Variants in PTPRB observed in about 807,000 individuals in gnomAD.
PTPRB encodes the protein receptor-type tyrosine-protein phosphatase beta.
Under a neutral mutation model 238.1 loss-of-function variants are expected in PTPRB, and 97 were observed. The ratio of observed to expected loss-of-function variants is 0.41; its 90% confidence interval spans 0.35 to 0.48. The LOEUF is 0.48. PTPRB is among the 20% of genes least tolerant of loss of function. The pLI, the probability that PTPRB is intolerant of heterozygous loss-of-function variation, is 0.30. For missense variants in PTPRB, 2,292 were observed against 2,681.9 expected, an observed-to-expected ratio of 0.85 and a Z score of 3.21; for synonymous variants, 970 against 995.4, an observed-to-expected ratio of 0.97 and a Z score of 0.48.
At position 70,635,875 on chromosome 12, in the gene PTPRB, T is replaced by A. The variant is rs111887306; in HGVS notation, c.247A>T (p.Ile83Phe). The A allele has an allele frequency of 7.8e-5, 126 of 1,613,636 alleles. No individual in the cohort carries two copies. The highest frequency in any genetic ancestry group is 1.8e-4 in the Admixed American group (11 of 59,946). The change falls in exon 2 of 34, where the codon ATC becomes TTC. Residue 83 changes from isoleucine to phenylalanine, a missense_variant. Physicochemically the swap from Ile to Phe is conservative, Grantham distance 21. Around this residue, in one of 4 missense-constraint regions of PTPRB, gnomAD observed 1,205 missense variants for 1,287.8 expected, o/e 0.94. Coordinates refer to ENST00000334414, the MANE Select transcript of PTPRB (RefSeq NM_001109754.4). ...NSSRGPSRSA[I>F]LDRCSQAPRW... ...GGTGCCTGGGAACAGCGGTCCAAGA[T>A]GGCTGAGCGGGAGGGGCCGCGGGAA... is the stretch of plus-strand genomic sequence containing the variant.
intron 15 of PTPRB, among the ~76,000 whole-genome samples, chr12:70,564,839 TAATAAA>T (rs1480712930): frequency 4.6e-4 from 10 of 21,596 alleles, no homozygotes; most frequent in African/African-American, 1.3e-3. Flanking sequence ...TCTCCAAAAA[TAATAAA>T]TAATAATAAT....
intron 22 of PTPRB, 107 bp from the exon 23 acceptor site, chr12:70,541,064 T>C (rs1414463146): frequency 1.1e-6 from 1 of 917,694 alleles, no homozygotes; most frequent in Non-Finnish European, 1.7e-6. Flanking sequence ...TTATTACAAA[T>C]AGAATTCAAG....
At chr12:70,538,004 C>T in intron 28 of PTPRB, 151 bp downstream of exon 28, 1 of 558,362 alleles carries the variant, frequency 1.8e-6, no homozygotes, top group East Asian at 3.0e-5. Flanking sequence ...AATTGGATAC[C>T]CCATTTTTTT....
At chr12:70,619,438 A>G (rs1195926302) in intron 3 of PTPRB, among the ~76,000 whole-genome samples, 2 of 152,100 alleles carry the variant, frequency 1.3e-5, no homozygotes. Flanking sequence ...CAAGAAATGG[A>G]ATCTATTTCT....
chr12:70,525,615 A>G (rs543450363), intron 32 of PTPRB, among the ~76,000 whole-genome samples: 69 of 152,386 alleles, frequency 4.5e-4, no homozygotes, highest in Middle Eastern at 3.4e-3. Flanking sequence ...TTTGGTGACC[A>G]TAAAGACCTC....
intron 15 of PTPRB, among the ~76,000 whole-genome samples, chr12:70,564,517 TC>T (rs1279702268): frequency 9.8e-5 from 10 of 101,850 alleles, no homozygotes; most frequent in African/African-American, 3.4e-4. Flanking sequence ...AGACTCCATC[TC>T]AAAAAAAAAA....
intron 4 of PTPRB, among the ~76,000 whole-genome samples, chr12:70,603,159 C>T (rs1196917344): frequency 6.6e-6 from 1 of 152,000 alleles, no homozygotes; most frequent in Non-Finnish European, 1.5e-5. Flanking sequence ...TATTTCTAGG[C>T]ACATAAAGGA....
At chr12:70,541,796 C>A (rs1368029848) in intron 22 of PTPRB, 1 of 152,166 alleles carries the variant, frequency 6.6e-6, no homozygotes, top group Non-Finnish European at 1.5e-5. Flanking sequence ...ACCAAGATTT[C>A]ATTCCTTTTT....
In PTPRB at chr12:70,619,426, A is replaced by G. The variant is rs570404095; in HGVS notation, c.708+2964T>C. Among the ~76,000 whole-genome samples the G allele has an allele frequency of 5.9e-5, 9 of 152,250 alleles. No homozygotes were observed. In the South Asian group the frequency reaches 1.7e-3, roughly 28 times the overall value. ...ACAATGTGACTTTGCAGCTCTTCCCATCAAGAAATGGAATCTATTTCTACA... is the reference window on the plus strand; with the variant it reads ...ACAATGTGACTTTGCAGCTCTTCCCGTCAAGAAATGGAATCTATTTCTACA... On this transcript the variant is annotated intron_variant, in intron 3 of 33. Coordinates refer to ENST00000334414, the MANE Select transcript of PTPRB (RefSeq NM_001109754.4).
intron 2 of PTPRB, 33 bp from the exon 3 acceptor site, chr12:70,622,679 T>G (rs1244396070): frequency 6.6e-7 from 1 of 1,510,596 alleles, no homozygotes; most frequent in Non-Finnish European, 8.9e-7. Flanking sequence ...GCAAAGATTA[T>G]TCTCATGTTT....
intron 22 of PTPRB, chr12:70,541,371 C>T (rs2567142): frequency 0.76 from 117,810 of 155,584 alleles, 44,713 homozygotes; most frequent in East Asian, 0.84. Flanking sequence ...TGGAGCTATT[C>T]TAAGAAGTCT....
rs1369763725 is a variant in PTPRB, at chr12:70,544,620, T to G, written c.5431A>C (p.Lys1811Gln). The change falls in exon 22 of 34, where the codon AAG (lysine) becomes CAG (glutamine). Residue 1811 changes from lysine (K) to glutamine (Q), a missense_variant. Lys to Gln is a moderately conservative substitution (Grantham distance 53). This residue lies in a region of PTPRB where 397 missense variants were observed against 502.0 expected (regional missense o/e 0.79). Transcript: ENST00000334414. Reference protein sequence around the residue: ...AFTQLFDEDLKEFTKPLYSDT... With the variant: ...AFTQLFDEDLQEFTKPLYSDT... Reference sequence around the variant, plus strand: ...GAATAGAGTGGCTTTGTGAATTCCTTCAGGTCCTCATCAAAGAGCTGTGTA... The same window carrying G: ...GAATAGAGTGGCTTTGTGAATTCCTGCAGGTCCTCATCAAAGAGCTGTGTA... 6.2e-7 allele frequency: 1 copy of G among 1,606,632 alleles called. No individual in the cohort carries two copies. The highest frequency in any genetic ancestry group is 2.2e-5 in the East Asian group (1 of 44,618).
At position 70,536,065 on chromosome 12, in the gene PTPRB, T is replaced by G; in HGVS notation, c.6041A>C (p.His2014Pro). Residue 2014 changes from histidine (H) to proline (P), a missense_variant, in exon 29 of 34, where the codon CAC becomes CCC. Coordinates refer to ENST00000334414, the MANE Select transcript of PTPRB (RefSeq NM_001109754.4). ...FWKMVWEQNVHNIVMVTQCVE... is the reference protein window; with the variant it reads ...FWKMVWEQNVPNIVMVTQCVE... ...ACACTGGGTCACCATGACGATGTTGTGAACGTTTTGTTCCCACACCATTTT... is the reference window on the plus strand; with the variant it reads ...ACACTGGGTCACCATGACGATGTTGGGAACGTTTTGTTCCCACACCATTTT... 1 of 1,613,888 alleles carries G rather than the reference T, an allele frequency of 6.2e-7. No homozygotes were observed. The highest frequency in any genetic ancestry group is 1.3e-5 in the African/African-American group (1 of 75,060).
chr12:70,580,321 C>A (rs903521410), intron 10 of PTPRB, among the ~76,000 whole-genome samples: 1 of 152,150 alleles, frequency 6.6e-6, no homozygotes, highest in Non-Finnish European at 1.5e-5. Context: ...CACCTCTAAC[C>A]ATATTAATTG....
At chr12:70,582,149 C>G (rs906726641) in intron 9 of PTPRB, among the ~76,000 whole-genome samples, 3 of 152,038 alleles carry the variant, frequency 2.0e-5, no homozygotes, top group Non-Finnish European at 2.9e-5. Flanking sequence ...GAAGTTGGCA[C>G]TTGGTCAACA....
chr12:70,542,243 T>TA (rs1237598581), intron 22 of PTPRB: 1 of 152,184 alleles, frequency 6.6e-6, no homozygotes, highest in Non-Finnish European at 1.5e-5. Context: ...ACTGTATATC[T>TA]TCTTTGGAGA....
At chr12:70,528,759 G>A (rs74600537) in intron 32 of PTPRB, among the ~76,000 whole-genome samples, 5,517 of 152,292 alleles carry the variant, frequency 0.036, 169 homozygotes, top group East Asian at 0.15. Context: ...CAGAGTTTGA[G>A]TCCAGTCTGG....
intron 16 of PTPRB, 68 bp from the exon 17 acceptor site, chr12:70,561,002 A>G: frequency 1.4e-6 from 2 of 1,476,496 alleles, no homozygotes; most frequent in Non-Finnish European, 1.9e-6. Context: ...CACAGGTGAG[A>G]GTATATGCTA....
chr12:70,526,654 C>T (rs1156339412), intron 32 of PTPRB, among the ~76,000 whole-genome samples: 2 of 152,212 alleles, frequency 1.3e-5, no homozygotes, highest in African/African-American at 4.8e-5. Context: ...AAGGTACAAT[C>T]TGAGAATGGT....
Sources: gnomAD v4.1 joint callset for allele counts (sites outside exome capture counted in the v4.1 genomes callset) on GRCh38, gnomAD v4.1.1 for gene constraint, gnomAD v4.1.1 regional missense constraint, MANE v1.5 for transcripts, NCBI Gene and HGNC (gene_info 2026-07-23, HGNC 2026-07-21) for gene names.